The following SMOC2 variants were observed in gnomAD, a reference collection of about 807,000 sequenced individuals.
The protein encoded by SMOC2 is SPARC-related modular calcium-binding protein 2.
SMOC2 carries 39 observed loss-of-function variants against 61.4 expected under a neutral mutation model. The ratio of observed to expected loss-of-function variants is 0.64; its 90% CI spans 0.49 to 0.83. SMOC2 has a LOEUF of 0.83. SMOC2 is among the 40% of genes least tolerant of loss of function. SMOC2 has a pLI of 0.00. For synonymous variants in SMOC2, 247 were observed against 239.9 expected, an observed-to-expected ratio of 1.03 and a Z score of -0.27; for missense variants, 556 against 592.9, an observed-to-expected ratio of 0.94 and a Z score of 0.65.
intron 7 of SMOC2, among the ~76,000 whole-genome samples, chr6:168,580,839 C>T (rs966654154): frequency 6.6e-6 from 1 of 152,162 alleles, no homozygotes; most frequent in Non-Finnish European, 1.5e-5. Flanking sequence ...GCCTAAAACA[C>T]CATTTGAATG....
At position 168,452,716 on chromosome 6, in the gene SMOC2, C is replaced by G. The variant is rs1381101770; in HGVS notation, c.84+11262C>G. 6.6e-6 allele frequency among the ~76,000 whole-genome samples: 1 copy of G among 152,208 alleles called. No individual in the cohort carries two copies. Among genetic ancestry groups the G allele is most frequent in the African/African-American group, 2.4e-5 (1 of 41,454 alleles). On this transcript the variant is annotated intron_variant, in intron 1 of 12. Coordinates refer to ENST00000356284, the MANE Select transcript of SMOC2 (RefSeq NM_001166412.2). This position sits in a 1 kb window ranked among gnomAD's most constrained non-coding sequence, Gnocchi z 5.0. The stretch of plus-strand genomic sequence containing the variant: ...CTGTCATTTAGATTTGTACACCATT[C>G]CTAGTCCCTTCCCTCATTTCTACTA...
intron 1 of SMOC2, among the ~76,000 whole-genome samples, chr6:168,501,311 G>T (rs534311578): frequency 1.3e-5 from 2 of 152,300 alleles, no homozygotes; most frequent in African/African-American, 4.8e-5. Context: ...AATTAACATG[G>T]ATGTGGAGAC....
chr6:168,599,027 C>T, intron 8 of SMOC2, 23 bp downstream of exon 8: 8 of 1,553,416 alleles, frequency 5.1e-6, no homozygotes, highest in Non-Finnish European at 6.1e-6. Context: ...CACCCACCCC[C>T]CCCGGGACCA....
intron 8 of SMOC2, among the ~76,000 whole-genome samples, chr6:168,600,016 G>T (rs1047761628): frequency 6.6e-6 from 1 of 151,978 alleles, no homozygotes; most frequent in African/African-American, 2.4e-5. Context: ...ATCAGCTGTG[G>T]GTGTTGCACC....
intron 7 of SMOC2, among the ~76,000 whole-genome samples, chr6:168,572,992 C>T (rs866220439): frequency 2.2e-5 from 2 of 89,204 alleles, no homozygotes; most frequent in Non-Finnish European, 4.2e-5. Flanking sequence ...TCCCCACATC[C>T]CCGGGTGCTG....
intron 7 of SMOC2, among the ~76,000 whole-genome samples, chr6:168,581,108 G>C (rs1164942685): frequency 6.6e-6 from 1 of 152,114 alleles, no homozygotes; most frequent in South Asian, 2.1e-4. Context: ...TCCAACAGAA[G>C]TATAAGTTTC....
chr6:168,503,065 CTTTTTTTTTTTTTTTTT>C (rs762736911), intron 1 of SMOC2, among the ~76,000 whole-genome samples: 7 of 47,804 alleles, frequency 1.5e-4, no homozygotes, highest in South Asian at 1.0e-3. Context: ...CGTGCCTGGC[CTTTTTTTTTTTTTTTTT>C]TTTTTTTTTT....
chr6:168,509,609 C>T (rs542689310), intron 1 of SMOC2, among the ~76,000 whole-genome samples: 1 of 152,146 alleles, frequency 6.6e-6, no homozygotes, highest in South Asian at 2.1e-4. Flanking sequence ...CATTGCTACT[C>T]AGACTTTAAG....
intron 11 of SMOC2, among the ~76,000 whole-genome samples, chr6:168,657,845 T>G (rs146316799): frequency 7.3e-4 from 111 of 152,292 alleles, no homozygotes; most frequent in African/African-American, 2.6e-3. Flanking sequence ...TATAATGGCA[T>G]TCACCTATTC....
At chr6:168,527,175 G>A (rs1783475706) in intron 3 of SMOC2, among the ~76,000 whole-genome samples, 1 of 152,302 alleles carries the variant, frequency 6.6e-6, no homozygotes, top group South Asian at 2.1e-4. Context: ...GAGAGAGAGA[G>A]GAGCTGGAGC....
At chr6:168,639,386 A>C (rs554196037) in intron 9 of SMOC2, among the ~76,000 whole-genome samples, 47 of 152,326 alleles carry the variant, frequency 3.1e-4, no homozygotes, top group African/African-American at 9.9e-4. Flanking sequence ...CTTTTTAAAA[A>C]GTTTTAATTG....
chr6:168,573,519 C>T (rs1784721791), intron 7 of SMOC2, among the ~76,000 whole-genome samples: 1 of 152,196 alleles, frequency 6.6e-6, no homozygotes, highest in Non-Finnish European at 1.5e-5. Context: ...GCTGGTGCTG[C>T]TGGTCCCTCT....
intron 2 of SMOC2, among the ~76,000 whole-genome samples, chr6:168,519,061 G>A (rs554193077): frequency 6.7e-6 from 1 of 150,044 alleles, no homozygotes; most frequent in East Asian, 2.1e-4. Context: ...GCATGCATAT[G>A]TGTGTGAGTG....
intron 11 of SMOC2, among the ~76,000 whole-genome samples, chr6:168,662,222 C>T (rs556620745): frequency 2.6e-5 from 4 of 152,176 alleles, no homozygotes; most frequent in Non-Finnish European, 5.9e-5. Context: ...GAATGTGTGT[C>T]TCTTTAAGGC....
At chr6:168,646,704 C>T (rs190321409) in intron 9 of SMOC2, among the ~76,000 whole-genome samples, 236 of 152,224 alleles carry the variant, frequency 1.6e-3, no homozygotes, top group African/African-American at 4.9e-3. Context: ...CTCAGGGACC[C>T]GCCAGTTCAG....
intron 7 of SMOC2, among the ~76,000 whole-genome samples, chr6:168,571,354 A>G (rs1330666444): frequency 6.6e-6 from 1 of 152,212 alleles, no homozygotes; most frequent in Non-Finnish European, 1.5e-5. Flanking sequence ...CTGTGCCGCC[A>G]TGCCTGTGCC....
chr6:168,598,388 C>T (rs1004529810), intron 7 of SMOC2, among the ~76,000 whole-genome samples: 9 of 152,186 alleles, frequency 5.9e-5, no homozygotes, highest in Admixed American at 2.6e-4. Flanking sequence ...CTGGGGCCCG[C>T]TCTGAGGAAT....
chr6:168,600,204 G>A (rs1296595890), intron 8 of SMOC2, among the ~76,000 whole-genome samples: 1 of 152,056 alleles, frequency 6.6e-6, no homozygotes. Flanking sequence ...TCAAGAGTTT[G>A]AGACCAGCCT....
At chr6:168,622,560 G>T (rs1786273574) in intron 9 of SMOC2, among the ~76,000 whole-genome samples, 1 of 152,036 alleles carries the variant, frequency 6.6e-6, no homozygotes, top group Non-Finnish European at 1.5e-5. Flanking sequence ...TTCCTGACAG[G>T]CAGACCTAGA....
Sources: allele counts gnomAD v4.1 joint callset (sites outside exome capture counted in the v4.1 genomes callset), GRCh38; gene constraint gnomAD v4.1.1; non-coding constraint Gnocchi (gnomAD v3.1); transcripts MANE v1.5; gene names NCBI Gene and HGNC (gene_info 2026-07-23, HGNC 2026-07-21).